The following BPHL variants were observed in gnomAD, a reference collection of about 807,000 sequenced individuals.
BPHL encodes biphenyl hydrolase like.
A neutral mutation model predicts 31.2 loss-of-function variants in BPHL; 27 were observed. The ratio of observed to expected loss-of-function variants is 0.87; its 90% confidence interval spans 0.64 to 1.19. BPHL has a LOEUF of 1.19. Among genes scored for constraint, BPHL ranks in the 50% most tolerant of loss-of-function variants. BPHL has a pLI of 0.00. For synonymous variants in BPHL, 150 were observed against 146.8 expected, an observed-to-expected ratio of 1.02 and a Z score of -0.16; for missense variants, 356 against 375.7, an observed-to-expected ratio of 0.95 and a Z score of 0.43.
intron 2 of BPHL, chr6:3,127,027 T>A: frequency 6.5e-6 from 2 of 307,538 alleles, no homozygotes; most frequent in Admixed American, 5.1e-5. Context: ...CGCCTCGGCC[T>A]CCCAAAGTGC....
Position 3,152,607 on chromosome 6 carries a change from G to C in BPHL, c.*32G>C, listed in dbSNP as rs140136196. ...ACACTCCAGTCTTGGTGGTTCCTTC[G>C]TGTGGGGCTTGATCGTGTTGCTGCC... On this transcript the variant is annotated 3_prime_UTR_variant, in exon 7 of 7. Coordinates refer to ENST00000380379, the MANE Select transcript of BPHL (RefSeq NM_004332.4). 4 of 1,589,062 alleles carry C rather than the reference G, an allele frequency of 2.5e-6. No homozygotes were observed. The highest frequency in any genetic ancestry group is 4.5e-5 in the East Asian group (2 of 44,284).
Position 3,132,177 on chromosome 6 carries a change from G to A in BPHL, c.532+2979G>A, listed in dbSNP as rs562286668. Reference sequence around the variant, plus strand: ...ACTTGTGTCAAGATGGCTGTGGCCCGCCAGTGTGCTAGAGACCAAGCCCCC... The same window carrying A: ...ACTTGTGTCAAGATGGCTGTGGCCCACCAGTGTGCTAGAGACCAAGCCCCC... On this transcript the variant is annotated intron_variant, in intron 4 of 6. Coordinates refer to ENST00000380379, the MANE Select transcript of BPHL (RefSeq NM_004332.4). Among the ~76,000 whole-genome samples the A allele has an allele frequency of 4.6e-5, 7 of 152,194 alleles. No homozygotes were observed. The East Asian group carries it at 9.6e-4, about 21-fold the overall frequency.
At chr6:3,137,627 G>C in intron 5 of BPHL, 134 bp downstream of exon 5, 1 of 1,317,108 alleles carries the variant, frequency 7.6e-7, no homozygotes, top group South Asian at 1.4e-5. Flanking sequence ...GCAGAACAGA[G>C]AATACTAGTT....
At chr6:3,118,650 A>G (rs1761456802), upstream of BPHL, 3 of 900,098 alleles carry the variant, frequency 3.3e-6, no homozygotes, top group Non-Finnish European at 4.4e-6. Flanking sequence ...AGGTGGGCGG[A>G]GCAGAGGGCG....
At chr6:3,134,815 G>A (rs904090435) in intron 4 of BPHL, among the ~76,000 whole-genome samples, 17 of 151,884 alleles carry the variant, frequency 1.1e-4, no homozygotes, top group African/African-American at 2.2e-4. Flanking sequence ...TGTTATCCAG[G>A]ATGGTCTCGA....
rs1478501886 is a variant in BPHL at position 3,129,077 on chromosome 6, G to A, written c.411G>A (p.Gly137=). 6.2e-7 allele frequency: 1 copy of A among 1,614,262 alleles called. No homozygotes were observed. Among genetic ancestry groups the A allele is most frequent in the African/African-American group, 1.3e-5 (1 of 75,072 alleles). Residue 137 remains glycine, a synonymous_variant, in exon 4 of 7, where the codon GGG becomes GGA. Transcript: ENST00000380379. The part of the protein sequence containing the change: ...ALKFKKVSLL[G]WSDGGITALI... ...AGTTTAAGAAGGTTTCTCTGCTGGG[G>A]TGGAGTGATGGGGGCATAACCGCAC...
At chr6:3,133,830 CT>C (rs1195751824) in intron 4 of BPHL, among the ~76,000 whole-genome samples, 1 of 152,216 alleles carries the variant, frequency 6.6e-6, no homozygotes, top group African/African-American at 2.4e-5. Flanking sequence ...AACAGTATCT[CT>C]CTAGGGTCTA....
At chr6:3,127,429 C>T in intron 3 of BPHL, 21 bp downstream of exon 3, 1 of 1,530,136 alleles carries the variant, frequency 6.5e-7, no homozygotes, top group Middle Eastern at 1.8e-4. Flanking sequence ...GAGGGAAGGG[C>T]CAGGGGAGGA....
intron 6 of BPHL, among the ~76,000 whole-genome samples, chr6:3,141,032 C>A (rs1410278219): frequency 6.6e-5 from 10 of 152,228 alleles, no homozygotes; most frequent in Admixed American, 6.5e-4. Context: ...CCACTGCTCC[C>A]TTCTCGCTCT....
intron 1 of BPHL, 110 bp from the exon 2 acceptor site, chr6:3,123,547 C>T (rs923133170): frequency 3.1e-5 from 25 of 795,450 alleles, no homozygotes; most frequent in African/African-American, 8.5e-5. Flanking sequence ...CATCCTACAG[C>T]GCGTAGAACA....
At chr6:3,119,152 C>G (rs1375571127) in intron 1 of BPHL, 2 of 818,086 alleles carry the variant, frequency 2.4e-6, no homozygotes, top group East Asian at 2.7e-5. Flanking sequence ...CAGGGAGATA[C>G]ATTTGCCTGT....
intron 1 of BPHL, chr6:3,119,262 A>G (rs1411130446): frequency 6.5e-7 from 1 of 1,533,134 alleles, no homozygotes; most frequent in Non-Finnish European, 8.7e-7. Flanking sequence ...AAGGACAATA[A>G]TCTCTTCTTT....
intron 6 of BPHL, among the ~76,000 whole-genome samples, chr6:3,146,549 G>A (rs1762375928): frequency 2.4e-5 from 1 of 41,260 alleles, no homozygotes; most frequent in Non-Finnish European, 5.8e-5. Flanking sequence ...TCGAGTGCTG[G>A]TTTGGGTCGG....
intron 4 of BPHL, 130 bp from the exon 5 acceptor site, chr6:3,137,232 G>A (rs773815455): frequency 8.2e-6 from 10 of 1,218,138 alleles, no homozygotes; most frequent in South Asian, 1.4e-5. Context: ...AGCAGAGGGA[G>A]GGAGGGAGGC....
intron 6 of BPHL, among the ~76,000 whole-genome samples, chr6:3,152,219 C>T (rs1219504564): frequency 6.6e-6 from 1 of 152,238 alleles, no homozygotes; most frequent in Non-Finnish European, 1.5e-5. Flanking sequence ...CCATTTGTTA[C>T]TTGATTCAGT....
At chr6:3,129,312 A>C (rs1034021759) in intron 4 of BPHL, 114 bp downstream of exon 4, 14 of 1,303,480 alleles carry the variant, frequency 1.1e-5, no homozygotes, top group Non-Finnish European at 1.4e-5. Context: ...TCTAGTTCTC[A>C]ACTCTCAGGT....
At chr6:3,152,208 A>C (rs899212562) in intron 6 of BPHL, among the ~76,000 whole-genome samples, 24 of 152,284 alleles carry the variant, frequency 1.6e-4, no homozygotes, top group Non-Finnish European at 3.4e-4. Context: ...TTCCAGTCAA[A>C]CCATTTGTTA....
In BPHL at chr6:3,152,519, C is replaced by G. The variant is rs566924645; in HGVS notation, c.820C>G (p.Leu274Val). 6.2e-7 allele frequency: 1 copy of G among 1,613,202 alleles called. No individual in the cohort carries two copies. Among genetic ancestry groups the G allele is most frequent in the East Asian group, 2.2e-5 (1 of 44,836 alleles). ...TTTGATGCCAGAAGGCAAACACAAC[C>G]TGCATTTGCGTTTTGCAGATGAATT... Reference protein sequence around the residue: ...LHLMPEGKHNLHLRFADEFNK... With the variant: ...LHLMPEGKHNVHLRFADEFNK... The change falls in exon 7 of 7, where the codon CTG (leucine) becomes GTG (valine). Residue 274 changes from leucine to valine, a missense_variant. Coordinates refer to ENST00000380379, the MANE Select transcript of BPHL (RefSeq NM_004332.4).
chr6:3,137,927 C>A (rs1762057075), intron 5 of BPHL: 3 of 1,170,444 alleles, frequency 2.6e-6, no homozygotes, highest in Non-Finnish European at 2.3e-6. Flanking sequence ...AATCTTTAAT[C>A]TCAACGGAAT....
Sources: allele counts gnomAD v4.1 joint callset (sites outside exome capture counted in the v4.1 genomes callset), GRCh38; gene constraint gnomAD v4.1.1; transcripts MANE v1.5; gene names NCBI Gene and HGNC (gene_info 2026-07-23, HGNC 2026-07-21).